The following BMAL1 variants were observed in gnomAD, a reference collection of about 807,000 sequenced individuals.
The protein encoded by BMAL1 is basic helix-loop-helix ARNT-like protein 1.
chr11:13,356,626 C>T, the BMAL1 span: 264 of 1,278,672 alleles, frequency 2.1e-4, no homozygotes, highest in Non-Finnish European at 2.7e-4. Flanking sequence ...TGTGGCTGTT[C>T]GAACTTTATG....
chr11:13,286,483 C>T, the BMAL1 span, among the ~76,000 whole-genome samples: 1 of 152,196 alleles, frequency 6.6e-6, no homozygotes, highest in South Asian at 2.1e-4. Flanking sequence ...TTTGATTTCT[C>T]AGGTTCTTCT....
the BMAL1 span, among the ~76,000 whole-genome samples, chr11:13,282,775 G>A: frequency 6.6e-6 from 1 of 152,242 alleles, no homozygotes; most frequent in African/African-American, 2.4e-5. Context: ...CGCTCAGCCT[G>A]AGCATTCTGG....
the BMAL1 span, among the ~76,000 whole-genome samples, chr11:13,364,479 T>A: frequency 2.8e-4 from 42 of 152,384 alleles, no homozygotes; most frequent in Non-Finnish European, 5.9e-4. Context: ...TTTCTCTGTA[T>A]TTTTCCAAAG....
At chr11:13,374,116 T>C in the BMAL1 span, 3 of 1,613,742 alleles carry the variant, frequency 1.9e-6, no homozygotes, top group Non-Finnish European at 2.5e-6. Flanking sequence ...TTTTGGCATA[T>C]TTACCACAAG....
the BMAL1 span, chr11:13,369,712 G>T: frequency 6.2e-7 from 1 of 1,614,064 alleles, no homozygotes; most frequent in Non-Finnish European, 8.5e-7. Flanking sequence ...AGTGTAACAG[G>T]CCTTCAGTAA....
the BMAL1 span, among the ~76,000 whole-genome samples, chr11:13,347,881 G>A: frequency 3.3e-5 from 5 of 152,168 alleles, no homozygotes; most frequent in African/African-American, 1.2e-4. Flanking sequence ...AAATTTCAGG[G>A]AACTCAGAGA....
chr11:13,341,934 C>G, the BMAL1 span, among the ~76,000 whole-genome samples: 5 of 152,246 alleles, frequency 3.3e-5, no homozygotes, highest in East Asian at 7.7e-4. Flanking sequence ...GAGCTTTGGC[C>G]TCGCCAGCCT....
the BMAL1 span, among the ~76,000 whole-genome samples, chr11:13,341,999 T>C: frequency 6.6e-6 from 1 of 152,088 alleles, no homozygotes; most frequent in South Asian, 2.1e-4. Context: ...AGAGCACATA[T>C]CGCCCCCAGC....
At chr11:13,372,074 CCCTA>C in the BMAL1 span, 1 of 1,534,782 alleles carries the variant, frequency 6.5e-7, no homozygotes, top group Non-Finnish European at 8.8e-7. Flanking sequence ...TTTTTTGACT[CCCTA>C]CCTACATCCC....
the BMAL1 span, among the ~76,000 whole-genome samples, chr11:13,284,160 G>GTGTATATATATA: frequency 3.1e-4 from 3 of 9,532 alleles, no homozygotes; most frequent in South Asian, 4.0e-3. Context: ...ATATATATAT[G>GTGTATATATATA]TGTGTATATA....
the BMAL1 span, among the ~76,000 whole-genome samples, chr11:13,368,859 ATAAAAAT>A: frequency 2.0e-5 from 3 of 152,272 alleles, no homozygotes; most frequent in Admixed American, 1.3e-4. Flanking sequence ...ACTTTAAAAA[ATAAAAAT>A]AAATGTAAAA....
At chr11:13,288,811 A>G in the BMAL1 span, among the ~76,000 whole-genome samples, 1 of 152,186 alleles carries the variant, frequency 6.6e-6, no homozygotes, top group Non-Finnish European at 1.5e-5. Context: ...GCATGGTGTT[A>G]TCAGTCACCC....
At chr11:13,309,222 G>T in the BMAL1 span, among the ~76,000 whole-genome samples, 1 of 152,266 alleles carries the variant, frequency 6.6e-6, no homozygotes, top group African/African-American at 2.4e-5. Flanking sequence ...GTAATGTGGA[G>T]AAGAGTGGAG....
chr11:13,284,077 G>GGGGGGTGT, the BMAL1 span, among the ~76,000 whole-genome samples: 3 of 85,628 alleles, frequency 3.5e-5, no homozygotes, highest in African/African-American at 1.7e-4. Flanking sequence ...ACAGTGTTGG[G>GGGGGGTGT]GTGTGTGTGT....
chr11:13,325,927 G>A, the BMAL1 span, among the ~76,000 whole-genome samples: 3 of 151,638 alleles, frequency 2.0e-5, no homozygotes, highest in South Asian at 2.1e-4. Context: ...ACAAGGGGCC[G>A]GGGGCGGTGG....
chr11:13,350,244 A>G, the BMAL1 span, among the ~76,000 whole-genome samples: 1 of 152,198 alleles, frequency 6.6e-6, no homozygotes, highest in Non-Finnish European at 1.5e-5. Flanking sequence ...TTCTGGAGGT[A>G]CTTCATGTCT....
chr11:13,381,251 G>A, the BMAL1 span: 1 of 1,613,778 alleles, frequency 6.2e-7, no homozygotes, highest in South Asian at 1.1e-5. Flanking sequence ...CAGGAGGCAA[G>A]AAGGTAAGAC....
chr11:13,375,155 T>G, the BMAL1 span, among the ~76,000 whole-genome samples: 1 of 152,224 alleles, frequency 6.6e-6, no homozygotes. Flanking sequence ...GCCTGGCACA[T>G]GAGAAGGGCT....
At chr11:13,342,477 T>C in the BMAL1 span, among the ~76,000 whole-genome samples, 1 of 152,226 alleles carries the variant, frequency 6.6e-6, no homozygotes, top group Non-Finnish European at 1.5e-5. Flanking sequence ...CCTTGGCTGT[T>C]AGATGTGAGG....
Sources: allele counts gnomAD v4.1 joint callset (sites outside exome capture counted in the v4.1 genomes callset), GRCh38; gene constraint gnomAD v4.1.1; transcripts MANE v1.5; gene names NCBI Gene and HGNC (gene_info 2026-07-23, HGNC 2026-07-21).